The following SHISA9 variants were observed in gnomAD, a reference collection of about 807,000 sequenced individuals.
The protein encoded by SHISA9 is protein shisa-9.
A neutral mutation model predicts 38.0 loss-of-function variants in SHISA9; 13 were observed. The ratio of observed to expected loss-of-function variants is 0.34; its 90% CI spans 0.22 to 0.54. The LOEUF is 0.54. SHISA9 is among the 20% of genes least tolerant of loss of function. The pLI, the probability that SHISA9 is intolerant of heterozygous loss-of-function variation, is 0.91. For missense variants in SHISA9, 538 were observed against 575.8 expected (o/e 0.93, Z 0.67); for synonymous variants, 275 against 242.0 (o/e 1.14, Z -1.27).
At chr16:13,187,228 G>C (rs915736659) in intron 2 of SHISA9, among the ~76,000 whole-genome samples, 1 of 151,930 alleles carries the variant, frequency 6.6e-6, no homozygotes, top group Non-Finnish European at 1.5e-5. Context: ...CTCTGGCTCT[G>C]CATGACCCAT....
chr16:13,155,140 T>C (rs867768066), intron 2 of SHISA9, among the ~76,000 whole-genome samples: 36 of 152,056 alleles, frequency 2.4e-4, no homozygotes, highest in African/African-American at 8.0e-4. Flanking sequence ...TGCAATGCAA[T>C]GAAATGAAAT....
At chr16:13,254,883 G>T in the SHISA9 span, among the ~76,000 whole-genome samples, 6 of 152,210 alleles carry the variant, frequency 3.9e-5, no homozygotes, top group African/African-American at 1.2e-4. Context: ...TCTTGTAATG[G>T]ATCAGTAGAT....
At chr16:13,497,696 A>AG in the SHISA9 span, among the ~76,000 whole-genome samples, 1 of 133,226 alleles carries the variant, frequency 7.5e-6, no homozygotes, top group African/African-American at 2.6e-5. Context: ...AAAAAAAAAA[A>AG]AAAAAGAAAA....
the SHISA9 span, among the ~76,000 whole-genome samples, chr16:13,554,558 C>G: frequency 7.3e-6 from 1 of 137,868 alleles, no homozygotes; most frequent in East Asian, 2.1e-4. Flanking sequence ...GTAGTTCAAT[C>G]TTGTCTCACT....
the SHISA9 span, among the ~76,000 whole-genome samples, chr16:13,473,285 T>C: frequency 6.6e-6 from 1 of 151,982 alleles, no homozygotes; most frequent in Non-Finnish European, 1.5e-5. Flanking sequence ...ACTTCACATG[T>C]CTGATAAGGT....
intron 2 of SHISA9, among the ~76,000 whole-genome samples, chr16:13,010,942 ACT>A (rs1219032552): frequency 6.6e-6 from 1 of 152,134 alleles, no homozygotes; most frequent in Non-Finnish European, 1.5e-5. Flanking sequence ...ACAAAGTGAG[ACT>A]CTGTCTCAAA....
In SHISA9 at chr16:13,224,919, C is replaced by T. The variant is rs565753736; in HGVS notation, c.896-10111C>T. 1.4e-3 allele frequency among the ~76,000 whole-genome samples: 215 copies of T among 152,204 alleles called. No homozygotes were observed. In the Middle Eastern group the frequency reaches 0.017, roughly 12 times the overall value. On this transcript the variant is annotated intron_variant, in intron 4 of 4. Transcript: ENST00000558583. Reference sequence around the variant, plus strand: ...CGTGTTCAGGAACAGAAAGGAATCTCATGTATAGTGGAATAGTACCCCCCT... The same window carrying T: ...CGTGTTCAGGAACAGAAAGGAATCTTATGTATAGTGGAATAGTACCCCCCT...
At chr16:13,373,183 C>T in the SHISA9 span, among the ~76,000 whole-genome samples, 5 of 152,110 alleles carry the variant, frequency 3.3e-5, no homozygotes, top group Non-Finnish European at 7.3e-5. Flanking sequence ...CCTTACCCTG[C>T]AATATGAGGA....
At chr16:13,186,632 A>T (rs2050826806) in intron 2 of SHISA9, among the ~76,000 whole-genome samples, 1 of 152,104 alleles carries the variant, frequency 6.6e-6, no homozygotes, top group African/African-American at 2.4e-5. Flanking sequence ...ACATTTCCGT[A>T]GAGTTTAGTA....
At chr16:13,005,165 A>G (rs576524378) in intron 2 of SHISA9, among the ~76,000 whole-genome samples, 1 of 152,122 alleles carries the variant, frequency 6.6e-6, no homozygotes, top group Admixed American at 6.6e-5. Context: ...AGAGTGTATC[A>G]CTGAGCTCAG....
At chr16:13,071,903 C>T (rs1334345576) in intron 2 of SHISA9, among the ~76,000 whole-genome samples, 2 of 152,014 alleles carry the variant, frequency 1.3e-5, no homozygotes, top group African/African-American at 2.4e-5. Flanking sequence ...GCTTTAGGCT[C>T]CCAAAGTGCT....
intron 2 of SHISA9, among the ~76,000 whole-genome samples, chr16:13,086,491 G>A (rs933455394): frequency 6.6e-6 from 1 of 151,882 alleles, no homozygotes; most frequent in Non-Finnish European, 1.5e-5. Context: ...AATTAGGAAA[G>A]ATAGACCAGG....
chr16:13,051,285 A>G (rs532265493), intron 2 of SHISA9, among the ~76,000 whole-genome samples: 2 of 152,162 alleles, frequency 1.3e-5, no homozygotes, highest in South Asian at 2.1e-4. Flanking sequence ...GTGCAGGGGA[A>G]CTCCCATTTA....
intron 2 of SHISA9, among the ~76,000 whole-genome samples, chr16:13,180,292 C>G (rs1294870119): frequency 6.6e-6 from 1 of 152,222 alleles, no homozygotes; most frequent in Non-Finnish European, 1.5e-5. Context: ...GCTGTGTTGA[C>G]TGCTACATAA....
intron 2 of SHISA9, among the ~76,000 whole-genome samples, chr16:13,164,134 C>A (rs1005166076): frequency 6.6e-6 from 1 of 151,902 alleles, no homozygotes; most frequent in Non-Finnish European, 1.5e-5. Context: ...CATAGATGTC[C>A]GTTATCAGTT....
rs57415975 is a variant in SHISA9 at position 13,058,751 on chromosome 16, TTGTGTGTGTGTG to T, written c.691+141957_691+141968del. On this transcript the variant is annotated intron_variant, in intron 2 of 4. Coordinates refer to ENST00000558583, the MANE Select transcript of SHISA9 (RefSeq NM_001145204.3). ...GTCATTGACCAGTGGTGTGGTGTAT[TTGTGTGTGTGTG>T]TGTGTGTGTGTGTGTGTGTGAATGT... 4.8e-5 allele frequency among the ~76,000 whole-genome samples: 7 copies of T among 144,946 alleles called. No individual in the cohort carries two copies. The East Asian group carries it at 6.1e-4, about 13-fold the overall frequency.
At chr16:13,006,747 T>C (rs189588710) in intron 2 of SHISA9, among the ~76,000 whole-genome samples, 28 of 152,332 alleles carry the variant, frequency 1.8e-4, no homozygotes, top group Admixed American at 3.9e-4. Flanking sequence ...CATCCGTCAC[T>C]GATTCTGTTG....
the SHISA9 span, among the ~76,000 whole-genome samples, chr16:13,520,073 C>G: frequency 2.0e-5 from 3 of 152,152 alleles, no homozygotes; most frequent in South Asian, 6.2e-4. Flanking sequence ...ACAGCAAGAG[C>G]CATATCTGCA....
chr16:12,940,285 T>G (rs1171152278), intron 2 of SHISA9, among the ~76,000 whole-genome samples: 2 of 152,204 alleles, frequency 1.3e-5, no homozygotes, highest in African/African-American at 4.8e-5. Flanking sequence ...CCCTGTTCTC[T>G]ATACTATAAT....
Sources: allele counts gnomAD v4.1 joint callset (sites outside exome capture counted in the v4.1 genomes callset), GRCh38; gene constraint gnomAD v4.1.1; transcripts MANE v1.5; gene names NCBI Gene and HGNC (gene_info 2026-07-23, HGNC 2026-07-21).